Variants in HELLS observed in about 807,000 individuals in gnomAD.
HELLS encodes the protein helicase, lymphoid specific.
Under a neutral mutation model 120.0 loss-of-function variants are expected in HELLS, and 32 were observed. That is an observed-to-expected ratio of 0.27 (90% CI 0.20 to 0.36). The LOEUF is 0.36. Ranked by LOEUF, HELLS falls within the 10% of genes least tolerant of loss-of-function variation. HELLS has a pLI of 1.00. For synonymous variants in HELLS, 341 were observed against 323.4 expected (o/e 1.05, Z -0.58); for missense variants, 650 against 993.4 (o/e 0.65, Z 4.65).
intron 6 of HELLS, among the ~76,000 whole-genome samples, chr10:94,568,764 T>C (rs963228259): frequency 3.3e-5 from 5 of 152,314 alleles, no homozygotes; most frequent in South Asian, 2.1e-4. Context: ...GGTATATGTA[T>C]GTTCTTTTTC....
intron 2 of HELLS, among the ~76,000 whole-genome samples, chr10:94,550,597 A>C (rs1458219631): frequency 6.6e-6 from 1 of 151,996 alleles, no homozygotes; most frequent in Non-Finnish European, 1.5e-5. Flanking sequence ...GTTGTTTTAA[A>C]AATATGTGCT....
chr10:94,588,451 C>G (rs1398634526), intron 13 of HELLS, 61 bp downstream of exon 13: 25 of 1,324,872 alleles, frequency 1.9e-5, no homozygotes, highest in Non-Finnish European at 2.3e-5. Flanking sequence ...CTCTTTTTTC[C>G]CTTTTTTTTT....
At chr10:94,601,176 G>T (rs554157161) in intron 21 of HELLS, among the ~76,000 whole-genome samples, 4 of 152,232 alleles carry the variant, frequency 2.6e-5, no homozygotes, top group African/African-American at 9.6e-5. Context: ...TCGTGATTGG[G>T]CCTCTTTTTA....
intron 3 of HELLS, among the ~76,000 whole-genome samples, chr10:94,555,889 A>G (rs971802898): frequency 6.6e-6 from 1 of 152,184 alleles, no homozygotes; most frequent in Admixed American, 6.5e-5. Flanking sequence ...GGCCTCCCAA[A>G]GTGCTGGGAT....
chr10:94,578,635 AGTG>A (rs2134068408), intron 10 of HELLS, among the ~76,000 whole-genome samples: 1 of 152,286 alleles, frequency 6.6e-6, no homozygotes, highest in South Asian at 2.1e-4. Context: ...CGGATGTTGC[AGTG>A]AGCCGAGATC....
At chr10:94,546,610 G>A in intron 2 of HELLS, 112 bp downstream of exon 2, 1 of 1,149,100 alleles carries the variant, frequency 8.7e-7, no homozygotes. Flanking sequence ...TTTAATAACT[G>A]AAAGAAAACA....
intron 15 of HELLS, 101 bp from the exon 16 acceptor site, chr10:94,592,128 A>G (rs1845517502): frequency 1.2e-6 from 1 of 813,658 alleles, no homozygotes; most frequent in Admixed American, 2.8e-5. Context: ...AAGTTTTTTA[A>G]GTGACTTGGC....
At chr10:94,576,208 G>C (rs1307356275) in intron 9 of HELLS, among the ~76,000 whole-genome samples, 1 of 152,124 alleles carries the variant, frequency 6.6e-6, no homozygotes, top group Non-Finnish European at 1.5e-5. Flanking sequence ...TCACCTCCCA[G>C]GCTCATGTGA....
chr10:94,603,496 A>G (rs1846089657), downstream of HELLS, among the ~76,000 whole-genome samples: 1 of 152,202 alleles, frequency 6.6e-6, no homozygotes, highest in Non-Finnish European at 1.5e-5. Context: ...AAACATTGAA[A>G]TATCCTAAGC....
intron 9 of HELLS, among the ~76,000 whole-genome samples, chr10:94,575,525 GT>G (rs1844398936): frequency 6.6e-6 from 1 of 151,694 alleles, no homozygotes; most frequent in Non-Finnish European, 1.5e-5. Flanking sequence ...AATGGAGTCT[GT>G]CTCTGTCACC....
chr10:94,560,524 G>T (rs1843498524), intron 4 of HELLS, among the ~76,000 whole-genome samples: 1 of 151,852 alleles, frequency 6.6e-6, no homozygotes, highest in Non-Finnish European at 1.5e-5. Flanking sequence ...ATGAGACCCT[G>T]TCTCTGCTAA....
At chr10:94,565,506 A>G (rs1467046825) in intron 6 of HELLS, among the ~76,000 whole-genome samples, 2 of 152,160 alleles carry the variant, frequency 1.3e-5, no homozygotes, top group African/African-American at 4.8e-5. Context: ...CCTGACCAGC[A>G]TGGAGAAACC....
chr10:94,575,754 T>TG (rs71031587), intron 9 of HELLS, among the ~76,000 whole-genome samples: 30,884 of 128,928 alleles, frequency 0.24, 5,611 homozygotes, highest in East Asian at 0.5. Context: ...GGTTTTTTGT[T>TG]GGGGGGGGGG....
At chr10:94,585,604 A>T (rs1845102255) in intron 12 of HELLS, among the ~76,000 whole-genome samples, 1 of 151,320 alleles carries the variant, frequency 6.6e-6, no homozygotes, top group African/African-American at 2.4e-5. Context: ...GGCTGGTCTT[A>T]AACTCCTGAC....
intron 2 of HELLS, among the ~76,000 whole-genome samples, chr10:94,553,063 A>G (rs1411993209): frequency 6.6e-6 from 1 of 152,150 alleles, no homozygotes; most frequent in Non-Finnish European, 1.5e-5. Flanking sequence ...ATCCAAATCA[A>G]CTTGTTTATT....
chr10:94,563,386 C>T (rs139078364), intron 6 of HELLS, among the ~76,000 whole-genome samples: 36 of 152,314 alleles, frequency 2.4e-4, no homozygotes, highest in Non-Finnish European at 4.4e-4. Context: ...TGAGCCATTG[C>T]GCCCATCCTC....
intron 4 of HELLS, among the ~76,000 whole-genome samples, chr10:94,562,217 A>G (rs1452536587): frequency 1.3e-5 from 2 of 151,874 alleles, no homozygotes; most frequent in Non-Finnish European, 2.9e-5. Context: ...TAGCTGGCCA[A>G]CGTGGTGAAA....
At chr10:94,583,106 A>G (rs1467887963) in intron 12 of HELLS, 47 bp downstream of exon 12, 4 of 1,071,354 alleles carry the variant, frequency 3.7e-6, no homozygotes, top group Middle Eastern at 2.1e-4. Context: ...TCGATAGAGT[A>G]TAAAAGGAAC....
chr10:94,595,314 G>A (rs1236828019), intron 19 of HELLS, among the ~76,000 whole-genome samples: 1 of 152,090 alleles, frequency 6.6e-6, no homozygotes, highest in African/African-American at 2.4e-5. Context: ...GGTCACCATA[G>A]ACATAAAAGA....
Sources: gnomAD v4.1 joint callset for allele counts (sites outside exome capture counted in the v4.1 genomes callset) on GRCh38, gnomAD v4.1.1 for gene constraint, MANE v1.5 for transcripts, NCBI Gene and HGNC (gene_info 2026-07-23, HGNC 2026-07-21) for gene names.